Variants in GALNT5 observed in about 807,000 individuals in gnomAD.
GALNT5 encodes UDP-GalNAc:polypeptide N-acetylgalactosaminyltransferase 5.
A neutral mutation model predicts 85.4 loss-of-function variants in GALNT5; 72 were observed. The ratio of observed to expected loss-of-function variants is 0.84; its 90% CI spans 0.70 to 1.03. The LOEUF (loss-of-function observed/expected upper bound fraction) is 1.03, where lower values mean the gene tolerates loss of function less well. Among genes scored for constraint, GALNT5 ranks in the 50% least tolerant of loss-of-function variants. The pLI is 0.00. For missense variants in GALNT5, 1,137 were observed against 1,135.5 expected (o/e 1.00, Z -0.02); for synonymous variants, 404 against 397.0 (o/e 1.02, Z -0.21).
Position 157,284,463 on chromosome 2 carries a change from C to T in GALNT5, c.1621+15C>T. On this transcript the variant is annotated intron_variant, in intron 2 of 9. Coordinates refer to ENST00000259056, the MANE Select transcript of GALNT5 (RefSeq NM_014568.3). ...CAGCACCAAAGGTAAGAAAACCACTCAGGCTATCTCTTGAAATTTCAAAGT... is the reference window on the plus strand; with the variant it reads ...CAGCACCAAAGGTAAGAAAACCACTTAGGCTATCTCTTGAAATTTCAAAGT... 1 of 1,607,606 alleles carries T rather than the reference C, an allele frequency of 6.2e-7. No individual in the cohort carries two copies. The highest frequency in any genetic ancestry group is 1.1e-5 in the South Asian group (1 of 90,526).
intron 3 of GALNT5, among the ~76,000 whole-genome samples, chr2:157,292,044 T>C (rs1683111958): frequency 6.6e-6 from 1 of 152,178 alleles, no homozygotes; most frequent in Non-Finnish European, 1.5e-5. Context: ...TTTAAGTGAT[T>C]GGGTTGATTA....
chr2:157,279,778 T>C (rs1351091821), intron 1 of GALNT5, among the ~76,000 whole-genome samples: 1 of 152,230 alleles, frequency 6.6e-6, no homozygotes, highest in Non-Finnish European at 1.5e-5. Flanking sequence ...GCTTCCTGGG[T>C]GAGGTGATGC....
chr2:157,278,355 T>C (rs1035275119), intron 1 of GALNT5, among the ~76,000 whole-genome samples: 1 of 152,132 alleles, frequency 6.6e-6, no homozygotes, highest in Non-Finnish European at 1.5e-5. Context: ...TTTCCTGAAT[T>C]TGAATGTTGG....
chr2:157,260,277 G>A (rs1163576103), intron 1 of GALNT5, among the ~76,000 whole-genome samples: 2 of 152,206 alleles, frequency 1.3e-5, no homozygotes, highest in East Asian at 1.9e-4. Context: ...CCCTGCAAAG[G>A]AGGAGGCAGT....
At chr2:157,287,034 A>G (rs1159103709) in intron 3 of GALNT5, among the ~76,000 whole-genome samples, 1 of 151,844 alleles carries the variant, frequency 6.6e-6, no homozygotes, top group Non-Finnish European at 1.5e-5. Flanking sequence ...TTGGAGTGAA[A>G]ATATTATATA....
chr2:157,280,487 C>T (rs2105138052), intron 1 of GALNT5, among the ~76,000 whole-genome samples: 1 of 152,278 alleles, frequency 6.6e-6, no homozygotes, highest in African/African-American at 2.4e-5. Context: ...GGACTGAGGT[C>T]CTACTGACAT....
chr2:157,286,753 C>T (rs753489084), intron 3 of GALNT5, among the ~76,000 whole-genome samples: 11 of 152,210 alleles, frequency 7.2e-5, no homozygotes, highest in Middle Eastern at 3.4e-3. Context: ...CCGCCCGCCT[C>T]GGCCTCCCAA....
Position 157,306,525 on chromosome 2 carries a change from C to T in GALNT5, c.2520+696C>T, listed in dbSNP as rs72906434. On this transcript the variant is annotated intron_variant, in intron 8 of 9. Coordinates refer to ENST00000259056, the MANE Select transcript of GALNT5 (RefSeq NM_014568.3). ...GGTGAGCTCTGAGTGATTACACTTC[C>T]CTCTCTAACATACATTCCTTAACAG... is the stretch of plus-strand genomic sequence containing the variant. Among the ~76,000 whole-genome samples, 1,231 of 152,278 alleles carry T rather than the reference C, an allele frequency of 8.1e-3. 6 individuals carry two copies. The highest frequency in any genetic ancestry group is 0.013 in the Non-Finnish European group (900 of 68,018).
intron 3 of GALNT5, among the ~76,000 whole-genome samples, chr2:157,286,762 A>G (rs909778635): frequency 1.3e-5 from 2 of 152,154 alleles, no homozygotes; most frequent in Non-Finnish European, 2.9e-5. Flanking sequence ...TCGGCCTCCC[A>G]AAGTGCTGGG....
In GALNT5 at chr2:157,313,603, C is replaced by A. The variant is rs984612364; in HGVS notation, c.*2255C>A. 6.6e-6 allele frequency: 1 copy of A among 151,950 alleles called. No individual in the cohort carries two copies. Among genetic ancestry groups the A allele is most frequent in the African/African-American group, 2.4e-5 (1 of 41,388 alleles). 9.4% of individuals were successfully genotyped at this position (151,950 alleles called of 1,614,324 possible). On this transcript the variant is annotated 3_prime_UTR_variant, in exon 10 of 10. Transcript: ENST00000259056. ...CTAAAAAATGTTGAGAGGTTTTTTT[C>A]CCCCGGGTATATAGGCTCTCTTTTT...
chr2:157,259,943 G>T (rs1331189459), intron 1 of GALNT5, among the ~76,000 whole-genome samples: 1 of 152,114 alleles, frequency 6.6e-6, no homozygotes, highest in Non-Finnish European at 1.5e-5. Flanking sequence ...AATATATTTG[G>T]GAAAGAAGCA....
At position 157,311,239 on chromosome 2, in the gene GALNT5, A is replaced by T. The variant is rs1683563162; in HGVS notation, c.2714A>T (p.Gln905Leu). ...CACATTGTTTTTGAAAACAATCAGC[A>T]ATTATTATGCTTGGAAGGAAATTTT... ...VNHIVFENNQ[Q>L]LLCLEGNFSQ... Residue 905 changes from glutamine to leucine, a missense_variant, in exon 10 of 10, where the codon CAA becomes CTA. Gln to Leu is a moderately radical substitution (Grantham distance 113, BLOSUM62 -2). Transcript: ENST00000259056. 2 of 1,610,782 alleles carry T rather than the reference A, an allele frequency of 1.2e-6. No individual in the cohort carries two copies. The highest frequency in any genetic ancestry group is 1.1e-5 in the South Asian group (1 of 90,904).
chr2:157,298,064 G>A (rs986034493), intron 5 of GALNT5, among the ~76,000 whole-genome samples: 16 of 152,316 alleles, frequency 1.1e-4, no homozygotes, highest in African/African-American at 3.6e-4. Flanking sequence ...TTTGAAAGGT[G>A]CTTGCCATAT....
chr2:157,308,825 TTG>T, intron 9 of GALNT5, 97 bp downstream of exon 9: 1 of 915,324 alleles, frequency 1.1e-6, no homozygotes, highest in Non-Finnish European at 1.7e-6. Flanking sequence ...GTCAGAAGTT[TTG>T]TGTGTTTGTG....
chr2:157,306,590 A>G (rs2105169018), intron 8 of GALNT5, among the ~76,000 whole-genome samples: 1 of 152,362 alleles, frequency 6.6e-6, no homozygotes, highest in South Asian at 2.1e-4. Flanking sequence ...TGAGTGGCAA[A>G]TAGGACTCAG....
At chr2:157,294,985 A>C (rs1683183784) in intron 3 of GALNT5, among the ~76,000 whole-genome samples, 1 of 151,194 alleles carries the variant, frequency 6.6e-6, no homozygotes, top group Non-Finnish European at 1.5e-5. Flanking sequence ...TCCTCCTCTA[A>C]GTCTTTTTAA....
At chr2:157,291,014 C>T (rs990946683) in intron 3 of GALNT5, among the ~76,000 whole-genome samples, 3 of 152,054 alleles carry the variant, frequency 2.0e-5, no homozygotes, top group Non-Finnish European at 4.4e-5. Context: ...TTGAGAGGCC[C>T]AAGTAGGATT....
At chr2:157,270,567 T>A (rs191787637) in intron 1 of GALNT5, among the ~76,000 whole-genome samples, 1 of 152,318 alleles carries the variant, frequency 6.6e-6, no homozygotes, top group Non-Finnish European at 1.5e-5. Flanking sequence ...GTACTTTCTA[T>A]CTCAAAGGGA....
In GALNT5 at chr2:157,258,534, C is replaced by A. The variant is rs371955379; in HGVS notation, c.452C>A (p.Pro151His). The change falls in exon 1 of 10, where the codon CCT (proline) becomes CAT (histidine). Residue 151 changes from proline to histidine, a missense_variant. Pro to His is a moderately conservative substitution (Grantham distance 77, BLOSUM62 -2). Transcript: ENST00000259056. ...AAGACAGACGGGAGAGGCACCAAAC[C>A]TGAAGCCTCCTCTCACCAGGGGACA... The part of the protein sequence containing the change: ...KQKTDGRGTK[P>H]EASSHQGTPK... 3 of 1,612,798 alleles carry A rather than the reference C, an allele frequency of 1.9e-6. No homozygotes were observed. Among genetic ancestry groups the A allele is most frequent in the Non-Finnish European group, 2.5e-6 (3 of 1,179,760 alleles).
Sources: gnomAD v4.1 joint callset for allele counts (sites outside exome capture counted in the v4.1 genomes callset) on GRCh38, gnomAD v4.1.1 for gene constraint, MANE v1.5 for transcripts, NCBI Gene and HGNC (gene_info 2026-07-23, HGNC 2026-07-21) for gene names.